The following WWOX variants were observed in gnomAD, a reference collection of about 807,000 sequenced individuals.
WWOX encodes the protein WW domain containing oxidoreductase, also known as WW domain-containing oxidoreductase.
A neutral mutation model predicts 46.2 loss-of-function variants in WWOX; 69 were observed. That is an observed-to-expected ratio of 1.49 (90% CI 1.23 to 1.82). The LOEUF is 1.82. Ranked by LOEUF, WWOX falls within the 40% of genes most tolerant of loss-of-function variation. The pLI, the probability that WWOX is intolerant of heterozygous loss-of-function variation, is 0.00. For missense variants in WWOX, 919 were observed against 542.6 expected (o/e 1.69, Z -6.89); for synonymous variants, 359 against 202.6 (o/e 1.77, Z -6.56).
intron 8 of WWOX, among the ~76,000 whole-genome samples, chr16:78,716,791 G>T (rs893256059): frequency 3.9e-5 from 6 of 152,116 alleles, no homozygotes; most frequent in Non-Finnish European, 8.8e-5. Flanking sequence ...GAGAAACGTG[G>T]CCCAGCATTG....
chr16:78,568,075 T>C (rs2044617632), intron 8 of WWOX, among the ~76,000 whole-genome samples: 1 of 152,160 alleles, frequency 6.6e-6, no homozygotes, highest in Non-Finnish European at 1.5e-5. Context: ...GAGAGACTCT[T>C]AGGGCAGAAG....
intron 8 of WWOX, among the ~76,000 whole-genome samples, chr16:78,665,163 T>C (rs1027807423): frequency 3.3e-5 from 5 of 152,078 alleles, no homozygotes; most frequent in African/African-American, 7.2e-5. Flanking sequence ...TCCGGGTTCC[T>C]GGAGTAGGGA....
At chr16:78,599,127 C>T (rs1282648132) in intron 8 of WWOX, among the ~76,000 whole-genome samples, 3 of 152,180 alleles carry the variant, frequency 2.0e-5, no homozygotes, top group Non-Finnish European at 4.4e-5. Flanking sequence ...CTCAGCTAAA[C>T]TCCAGGGGTT....
At chr16:78,814,147 C>G (rs1013459523) in intron 8 of WWOX, among the ~76,000 whole-genome samples, 1 of 152,210 alleles carries the variant, frequency 6.6e-6, no homozygotes, top group Non-Finnish European at 1.5e-5. Context: ...CGGCCAGATC[C>G]TCCCGCTGCC....
In WWOX at chr16:78,852,108, T is replaced by C. The variant is rs190749844; in HGVS notation, c.1057-359500T>C. Among the ~76,000 whole-genome samples the C allele has an allele frequency of 1.8e-3, 271 of 152,320 alleles. 1 individual carries two copies. The highest frequency in any genetic ancestry group is 6.3e-3 in the African/African-American group (261 of 41,578). On this transcript the variant is annotated intron_variant, in intron 8 of 8. Coordinates refer to ENST00000566780, the MANE Select transcript of WWOX (RefSeq NM_016373.4). Reference sequence around the variant, plus strand: ...TTCTCTCATCTCATTCATTTTGAGGTCATTTTGTTGTTGAAATGTTAGAGT... The same window carrying C: ...TTCTCTCATCTCATTCATTTTGAGGCCATTTTGTTGTTGAAATGTTAGAGT...
chr16:78,781,438 C>G (rs887172916), intron 8 of WWOX, among the ~76,000 whole-genome samples: 1 of 152,148 alleles, frequency 6.6e-6, no homozygotes, highest in Non-Finnish European at 1.5e-5. Flanking sequence ...ACCATCCTCA[C>G]CAGGAAGGAG....
intron 8 of WWOX, among the ~76,000 whole-genome samples, chr16:78,557,506 A>T (rs904834123): frequency 6.6e-6 from 1 of 152,086 alleles, no homozygotes; most frequent in Admixed American, 6.6e-5. Context: ...ATGCCGGAGC[A>T]CTGGGCCCAT....
At chr16:78,701,484 C>T (rs960528036) in intron 8 of WWOX, among the ~76,000 whole-genome samples, 1 of 152,094 alleles carries the variant, frequency 6.6e-6, no homozygotes, top group Non-Finnish European at 1.5e-5. Flanking sequence ...CCAGGCCTTC[C>T]TCCCTTACCT....
At chr16:79,040,729 C>G (rs572128872) in intron 8 of WWOX, among the ~76,000 whole-genome samples, 1 of 152,146 alleles carries the variant, frequency 6.6e-6, no homozygotes, top group African/African-American at 2.4e-5. Flanking sequence ...ACTAGAACCA[C>G]AGAGATCCCC....
chr16:78,826,162 C>G (rs1240168059), intron 8 of WWOX, among the ~76,000 whole-genome samples: 3 of 152,234 alleles, frequency 2.0e-5, no homozygotes, highest in Non-Finnish European at 4.4e-5. Flanking sequence ...CAAGACCAGT[C>G]TGGCCAACAT....
chr16:78,907,523 T>C (rs1055553032), intron 8 of WWOX, among the ~76,000 whole-genome samples: 2 of 152,152 alleles, frequency 1.3e-5, no homozygotes, highest in African/African-American at 2.4e-5. Context: ...TCATTTAAAT[T>C]AAGTACTAAA....
intron 8 of WWOX, among the ~76,000 whole-genome samples, chr16:78,923,794 GT>G (rs56852814): frequency 0.08 from 8,007 of 100,572 alleles, 156 homozygotes; most frequent in African/African-American, 0.11. Flanking sequence ...TTTTTAGTTA[GT>G]TTTTTTTTTT....
Position 78,820,172 on chromosome 16 carries a change from A to G in WWOX, c.1056+387420A>G, listed in dbSNP as rs114862508. On this transcript the variant is annotated intron_variant, in intron 8 of 8. Transcript: ENST00000566780. Reference sequence around the variant, plus strand: ...CCCTGTCCCTGCTTGCTGGAGACATAGGAGAAGCCCCCAGCCACTGACATC... The same window carrying G: ...CCCTGTCCCTGCTTGCTGGAGACATGGGAGAAGCCCCCAGCCACTGACATC... Among the ~76,000 whole-genome samples the G allele has an allele frequency of 5.3e-5, 8 of 152,240 alleles. No individual in the cohort carries two copies. In the South Asian group the frequency reaches 6.2e-4, roughly 12 times the overall value.
chr16:78,790,599 C>G (rs908422005), intron 8 of WWOX, among the ~76,000 whole-genome samples: 2 of 152,164 alleles, frequency 1.3e-5, no homozygotes, highest in African/African-American at 4.8e-5. Flanking sequence ...AAAAGAGGAG[C>G]CTGTTTTCTC....
intron 8 of WWOX, among the ~76,000 whole-genome samples, chr16:79,174,493 AC>A (rs2050761876): frequency 6.6e-6 from 1 of 152,158 alleles, no homozygotes; most frequent in Non-Finnish European, 1.5e-5. Context: ...TACTAAAAAT[AC>A]AAAAATTAGC....
chr16:78,981,441 A>AT (rs34746206), intron 8 of WWOX, among the ~76,000 whole-genome samples: 35 of 146,284 alleles, frequency 2.4e-4, no homozygotes, highest in Middle Eastern at 6.9e-3. Flanking sequence ...ATGAAGCATC[A>AT]TTTTTTTTTT....
At chr16:78,561,171 C>A (rs961990075) in intron 8 of WWOX, among the ~76,000 whole-genome samples, 2 of 152,142 alleles carry the variant, frequency 1.3e-5, no homozygotes, top group African/African-American at 4.8e-5. Flanking sequence ...CTCCCAGAGG[C>A]AACCCACATT....
chr16:78,910,565 A>C (rs1485948551), intron 8 of WWOX, among the ~76,000 whole-genome samples: 1 of 151,788 alleles, frequency 6.6e-6, no homozygotes, highest in African/African-American at 2.4e-5. Context: ...CTACTGAGAA[A>C]GACATACCCA....
rs562216520 is a variant in WWOX, at chr16:78,661,838, A to C, written c.1056+229086A>C. Among the ~76,000 whole-genome samples, 4 of 152,298 alleles carry C rather than the reference A, an allele frequency of 2.6e-5. No homozygotes were observed. In the South Asian group the frequency reaches 8.3e-4, roughly 32 times the overall value. On this transcript the variant is annotated intron_variant, in intron 8 of 8. Coordinates refer to ENST00000566780, the MANE Select transcript of WWOX (RefSeq NM_016373.4). Reference sequence around the variant, plus strand: ...TATCGCCTGAGTCCAGGAGTTAGAGACCAGCCTGGGCAAACAGCCTGAGGC... The same window carrying C: ...TATCGCCTGAGTCCAGGAGTTAGAGCCCAGCCTGGGCAAACAGCCTGAGGC...
Sources: allele counts gnomAD v4.1 joint callset (sites outside exome capture counted in the v4.1 genomes callset), GRCh38; gene constraint gnomAD v4.1.1; transcripts MANE v1.5; gene names NCBI Gene and HGNC (gene_info 2026-07-23, HGNC 2026-07-21).